NCOA2: variants seen among roughly 807,000 people sequenced by gnomAD.
NCOA2 encodes class E basic helix-loop-helix protein 75.
Under a neutral mutation model 145.1 loss-of-function variants are expected in NCOA2, and 21 were observed. The observed-to-expected ratio is 0.14, with a 90% confidence interval of 0.10 to 0.21. The LOEUF is 0.21. Ranked by LOEUF, NCOA2 falls within the 10% of genes least tolerant of loss-of-function variation. The pLI is 1.00. For missense variants in NCOA2, 1,472 were observed against 1,837.6 expected (o/e 0.80, Z 3.64); for synonymous variants, 619 against 637.5 (o/e 0.97, Z 0.44).
chr8:70,245,872 G>A (rs987250694), intron 2 of NCOA2, among the ~76,000 whole-genome samples: 6 of 152,174 alleles, frequency 3.9e-5, no homozygotes, highest in Admixed American at 2.0e-4. Flanking sequence ...CTGGCATAAT[G>A]AACACTTTGG....
chr8:70,330,216 A>AATGATGATGATGATGATGATG (rs57235614), intron 1 of NCOA2, among the ~76,000 whole-genome samples: 1 of 150,800 alleles, frequency 6.6e-6, no homozygotes, highest in African/African-American at 2.4e-5. Flanking sequence ...TGATGATGAT[A>AATGATGATGATGATGATGATG]ATGATGATGA....
chr8:70,131,174 C>T (rs1315345650), intron 16 of NCOA2, among the ~76,000 whole-genome samples: 2 of 150,666 alleles, frequency 1.3e-5, no homozygotes, highest in African/African-American at 2.4e-5. Flanking sequence ...CCACAACTGG[C>T]TGTGACATTT....
At chr8:70,383,497 T>TTTTTTTG (rs1554641271) in intron 1 of NCOA2, among the ~76,000 whole-genome samples, 1 of 152,058 alleles carries the variant, frequency 6.6e-6, no homozygotes, top group African/African-American at 2.4e-5. Flanking sequence ...CATCCTAGTT[T>TTTTTTTG]TTTTTGTTTT....
chr8:70,269,263 C>T (rs1824853558), intron 2 of NCOA2, among the ~76,000 whole-genome samples: 1 of 152,008 alleles, frequency 6.6e-6, no homozygotes, highest in Non-Finnish European at 1.5e-5. Flanking sequence ...TATTCTAAAG[C>T]AAACGTGGGC....
At chr8:70,187,066 A>G (rs138139200) in intron 4 of NCOA2, among the ~76,000 whole-genome samples, 8 of 152,236 alleles carry the variant, frequency 5.3e-5, no homozygotes, top group African/African-American at 1.9e-4. Context: ...TATTTAAAGC[A>G]GTAGGCAATT....
In NCOA2 at chr8:70,264,653, A is replaced by T. The variant is rs547985678; in HGVS notation, c.-20+32091T>A. Among the ~76,000 whole-genome samples the T allele has an allele frequency of 1.6e-4, 25 of 152,378 alleles. No individual in the cohort carries two copies. In the South Asian group the frequency reaches 5.2e-3, roughly 32 times the overall value. ...CCCTCATAGGTAATACTCTAAAGAA[A>T]CTGTCATATCTATGTAAGGTATCAT... is the stretch of plus-strand genomic sequence containing the variant. On this transcript the variant is annotated intron_variant, in intron 2 of 22. Transcript: ENST00000452400.
chr8:70,347,292 C>T (rs548040748), intron 1 of NCOA2, among the ~76,000 whole-genome samples: 5 of 152,032 alleles, frequency 3.3e-5, no homozygotes, highest in Non-Finnish European at 5.9e-5. Flanking sequence ...CGAGACCAGC[C>T]GGGCCAACGT....
At chr8:70,117,058 C>A (rs991624190) in intron 22 of NCOA2, among the ~76,000 whole-genome samples, 1 of 152,232 alleles carries the variant, frequency 6.6e-6, no homozygotes, top group African/African-American at 2.4e-5. Context: ...CCTATATTTA[C>A]TGAAAATTGA....
intron 1 of NCOA2, among the ~76,000 whole-genome samples, chr8:70,304,108 T>A (rs1013509961): frequency 2.0e-5 from 3 of 152,168 alleles, no homozygotes; most frequent in Non-Finnish European, 4.4e-5. Flanking sequence ...TTGGGTACAA[T>A]ACAGACGAGC....
At chr8:70,126,127 C>T (rs535757194) in intron 19 of NCOA2, among the ~76,000 whole-genome samples, 4 of 151,962 alleles carry the variant, frequency 2.6e-5, no homozygotes, top group African/African-American at 9.7e-5. Context: ...TAGGGAAAGT[C>T]ATTTTTGAAT....
chr8:70,160,684 A>AGAGAGAGAGAGAGG (rs1554578994), intron 9 of NCOA2, among the ~76,000 whole-genome samples: 21 of 147,840 alleles, frequency 1.4e-4, no homozygotes, highest in African/African-American at 4.7e-4. Flanking sequence ...AGAGAGAGGG[A>AGAGAGAGAGAGAGG]GAGAGAGAGA....
chr8:70,361,774 A>G (rs1255919757), intron 1 of NCOA2, among the ~76,000 whole-genome samples: 1 of 152,246 alleles, frequency 6.6e-6, no homozygotes, highest in East Asian at 1.9e-4. Context: ...GCCAATACTT[A>G]CGACGCTCAA....
intron 15 of NCOA2, among the ~76,000 whole-genome samples, chr8:70,136,107 C>T (rs1809699106): frequency 1.3e-5 from 2 of 152,180 alleles, no homozygotes; most frequent in Admixed American, 6.5e-5. Context: ...GGCGCGGTGG[C>T]TCACACCTAC....
At chr8:70,141,445 A>G (rs1585808017) in intron 13 of NCOA2, 46 bp from the exon 14 acceptor site, 3 of 1,519,638 alleles carry the variant, frequency 2.0e-6, no homozygotes, top group Middle Eastern at 1.7e-4. Context: ...AACTGAAAAC[A>G]TATTTAGCAT....
chr8:70,181,996 C>G (rs1050481557), intron 4 of NCOA2, among the ~76,000 whole-genome samples: 3 of 152,200 alleles, frequency 2.0e-5, no homozygotes, highest in African/African-American at 7.2e-5. Flanking sequence ...GAGAATTATG[C>G]ATCTGCACCC....
intron 2 of NCOA2, chr8:70,273,495 G>T: frequency 6.2e-6 from 4 of 647,342 alleles, no homozygotes; most frequent in Non-Finnish European, 1.1e-5. Flanking sequence ...GATAAAAAAC[G>T]TCAGTTCTCC....
chr8:70,290,667 T>C (rs1203400431), intron 2 of NCOA2, among the ~76,000 whole-genome samples: 1 of 152,128 alleles, frequency 6.6e-6, no homozygotes, highest in African/African-American at 2.4e-5. Context: ...TAAATAGAAA[T>C]ACCTATATCC....
chr8:70,385,673 C>T (rs1253949253), intron 1 of NCOA2, among the ~76,000 whole-genome samples: 1 of 152,156 alleles, frequency 6.6e-6, no homozygotes, highest in Non-Finnish European at 1.5e-5. Context: ...GTGACCCTTC[C>T]ACCTTGGCCT....
the NCOA2 span, among the ~76,000 whole-genome samples, chr8:70,412,396 T>TA: frequency 6.0e-5 from 9 of 149,066 alleles, no homozygotes; most frequent in African/African-American, 1.5e-4. Flanking sequence ...AACAACATAT[T>TA]TTATATATAT....
Sources: allele counts gnomAD v4.1 joint callset (sites outside exome capture counted in the v4.1 genomes callset), GRCh38; gene constraint gnomAD v4.1.1; transcripts MANE v1.5; gene names NCBI Gene and HGNC (gene_info 2026-07-23, HGNC 2026-07-21).